Variants in CTNNA3 observed in about 807,000 individuals in gnomAD.
CTNNA3 encodes catenin alpha-3.
CTNNA3 carries 76 observed loss-of-function variants against 95.7 expected under a neutral mutation model. That is an observed-to-expected ratio of 0.79 (90% CI 0.66 to 0.96). The LOEUF (loss-of-function observed/expected upper bound fraction) is 0.96, where lower values mean the gene tolerates loss of function less well. CTNNA3 is among the 40% of genes least tolerant of loss of function. The pLI, the probability that CTNNA3 is intolerant of heterozygous loss-of-function variation, is 0.00. For synonymous variants in CTNNA3, 431 were observed against 374.4 expected (o/e 1.15, Z -1.74); for missense variants, 1,191 against 1,089.8 (o/e 1.09, Z -1.31).
chr10:67,117,463 T>C (rs536599225), intron 7 of CTNNA3, among the ~76,000 whole-genome samples: 14 of 151,902 alleles, frequency 9.2e-5, no homozygotes, highest in Non-Finnish European at 1.8e-4. Flanking sequence ...AAGAATTGTA[T>C]CCAAAACCAC....
chr10:66,575,495 C>A (rs558478256), intron 10 of CTNNA3, among the ~76,000 whole-genome samples: 1 of 152,218 alleles, frequency 6.6e-6, no homozygotes, highest in Non-Finnish European at 1.5e-5. Flanking sequence ...ATTTTTTGAG[C>A]CCTCACCATG....
chr10:67,049,958 G>A (rs1349787485), intron 7 of CTNNA3, among the ~76,000 whole-genome samples: 2 of 152,170 alleles, frequency 1.3e-5, no homozygotes, highest in Non-Finnish European at 2.9e-5. Flanking sequence ...ACTGAGGGAT[G>A]TATTATTCAT....
At chr10:67,726,462 TATGATATA>T (rs1841222708) in intron 1 of CTNNA3, among the ~76,000 whole-genome samples, 1 of 47,472 alleles carries the variant, frequency 2.1e-5, no homozygotes, top group Non-Finnish European at 3.7e-5. Flanking sequence ...ATATATGATA[TATGATATA>T]ATATTATATA....
intron 11 of CTNNA3, among the ~76,000 whole-genome samples, chr10:66,513,956 G>A (rs888266851): frequency 1.3e-5 from 2 of 151,380 alleles, no homozygotes; most frequent in African/African-American, 4.9e-5. Context: ...GATGGTGTCG[G>A]GGGATGTAGG....
intron 5 of CTNNA3, among the ~76,000 whole-genome samples, chr10:67,445,169 T>C (rs1179923015): frequency 6.6e-6 from 1 of 151,164 alleles, no homozygotes; most frequent in African/African-American, 2.4e-5. Context: ...GCAAGCTTAA[T>C]GGTAACCTCA....
intron 17 of CTNNA3, among the ~76,000 whole-genome samples, chr10:65,953,438 A>G (rs1463991108): frequency 6.6e-6 from 1 of 151,092 alleles, no homozygotes; most frequent in East Asian, 1.9e-4. Context: ...CACAATGTGC[A>G]GGTTTGTTAC....
chr10:66,975,357 A>C (rs1849970444), intron 7 of CTNNA3, among the ~76,000 whole-genome samples: 1 of 152,200 alleles, frequency 6.6e-6, no homozygotes, highest in Non-Finnish European at 1.5e-5. Flanking sequence ...GCAGATGCCT[A>C]AGCATTGTAG....
At chr10:66,262,873 C>T (rs2091046537) in intron 13 of CTNNA3, among the ~76,000 whole-genome samples, 1 of 151,558 alleles carries the variant, frequency 6.6e-6, no homozygotes, top group Non-Finnish European at 1.5e-5. Context: ...GCTTTGTAAT[C>T]TACCACATAC....
chr10:66,609,360 G>A (rs1214328787), intron 10 of CTNNA3, among the ~76,000 whole-genome samples: 1 of 147,810 alleles, frequency 6.8e-6, no homozygotes, highest in Admixed American at 6.9e-5. Flanking sequence ...ATCGCACCCA[G>A]CCAAAGGTCT....
chr10:67,486,880 GTTTTCTCACACTTTAGT>G (rs1208391432), intron 5 of CTNNA3, among the ~76,000 whole-genome samples: 4 of 152,084 alleles, frequency 2.6e-5, no homozygotes, highest in African/African-American at 9.7e-5. Context: ...AATGAATCAT[GTTTTCTCACACTTTAGT>G]CATTTTACTA....
chr10:66,637,663 G>A (rs540935206), intron 9 of CTNNA3, among the ~76,000 whole-genome samples: 3 of 152,314 alleles, frequency 2.0e-5, no homozygotes, highest in East Asian at 3.9e-4. Context: ...AGCTCTTGAG[G>A]GCAGAGGCTG....
At chr10:66,890,363 A>G (rs879634049) in intron 7 of CTNNA3, among the ~76,000 whole-genome samples, 1 of 151,704 alleles carries the variant, frequency 6.6e-6, no homozygotes, top group Non-Finnish European at 1.5e-5. Flanking sequence ...AGGCATTCAA[A>G]GATTTCAGAA....
At chr10:67,227,094 C>CTT (rs1318466806) in intron 5 of CTNNA3, among the ~76,000 whole-genome samples, 5 of 118,512 alleles carry the variant, frequency 4.2e-5, no homozygotes, top group African/African-American at 6.4e-5. Flanking sequence ...CTTTTTTTTT[C>CTT]TTTTTTTTTT....
intron 17 of CTNNA3, among the ~76,000 whole-genome samples, chr10:65,953,637 T>G (rs988592058): frequency 7.2e-5 from 11 of 152,120 alleles, no homozygotes; most frequent in African/African-American, 2.4e-4. Flanking sequence ...CATGCAGTGT[T>G]TGGTTTTCTG....
intron 17 of CTNNA3, among the ~76,000 whole-genome samples, chr10:65,953,770 T>G (rs1210599504): frequency 6.6e-6 from 1 of 152,214 alleles, no homozygotes; most frequent in Non-Finnish European, 1.5e-5. Context: ...CACATTTTCT[T>G]AATCCAGTCT....
Position 66,466,254 on chromosome 10 carries a change from G to A in CTNNA3, c.1531+54363C>T, listed in dbSNP as rs537653054. Reference sequence around the variant, plus strand: ...GCATATTCTGGGCTTGCCAGTCTCCGAAATTGTACAAGTCAATCCCTTAAA... The same window carrying A: ...GCATATTCTGGGCTTGCCAGTCTCCAAAATTGTACAAGTCAATCCCTTAAA... On this transcript the variant is annotated intron_variant, in intron 11 of 17. Coordinates refer to ENST00000433211, the MANE Select transcript of CTNNA3 (RefSeq NM_013266.4). Among the ~76,000 whole-genome samples the A allele has an allele frequency of 5.9e-5, 9 of 151,366 alleles. No homozygotes were observed. The South Asian group carries it at 1.3e-3, about 21-fold the overall frequency.
At chr10:66,912,641 T>G (rs1447385781) in intron 7 of CTNNA3, among the ~76,000 whole-genome samples, 1 of 152,090 alleles carries the variant, frequency 6.6e-6, no homozygotes, top group Non-Finnish European at 1.5e-5. Context: ...TCCCTCAATA[T>G]CTATAGTAAG....
At chr10:66,241,269 A>G (rs550789100) in intron 13 of CTNNA3, among the ~76,000 whole-genome samples, 2 of 152,324 alleles carry the variant, frequency 1.3e-5, no homozygotes, top group African/African-American at 2.4e-5. Context: ...ATATTGTGCT[A>G]TAGTTATGCC....
At chr10:67,287,495 C>T (rs1257091020) in intron 5 of CTNNA3, among the ~76,000 whole-genome samples, 1 of 152,128 alleles carries the variant, frequency 6.6e-6, no homozygotes, top group Non-Finnish European at 1.5e-5. Context: ...TCCTCTGGAA[C>T]TATTGTGTAT....
Sources: allele counts gnomAD v4.1 joint callset (sites outside exome capture counted in the v4.1 genomes callset), GRCh38; gene constraint gnomAD v4.1.1; transcripts MANE v1.5; gene names NCBI Gene and HGNC (gene_info 2026-07-23, HGNC 2026-07-21).